Variants in DENND5B observed in about 807,000 individuals in gnomAD.
The protein encoded by DENND5B is DENN domain containing 5B, also known as DENN domain-containing protein 5B.
DENND5B carries 34 observed loss-of-function variants against 140.6 expected under a neutral mutation model. The ratio of observed to expected loss-of-function variants is 0.24; its 90% CI spans 0.18 to 0.32. The LOEUF (loss-of-function observed/expected upper bound fraction) is 0.32. Ranked by LOEUF, DENND5B falls within the 10% of genes least tolerant of loss-of-function variation. The probability of loss-of-function intolerance (pLI) is 1.00; values close to 1 mark genes in which losing one functional copy is unlikely to be tolerated. For missense variants in DENND5B, 1,142 were observed against 1,560.2 expected (o/e 0.73, Z 4.52); for synonymous variants, 551 against 562.1 (o/e 0.98, Z 0.28).
chr12:31,394,016 AG>A (rs1941298130), intron 17 of DENND5B, among the ~76,000 whole-genome samples: 1 of 152,142 alleles, frequency 6.6e-6, no homozygotes, highest in Non-Finnish European at 1.5e-5. Context: ...AAATTCAAGT[AG>A]GTTTTTTCTA....
chr12:31,490,018 C>A (rs575534509), intron 2 of DENND5B, among the ~76,000 whole-genome samples: 2 of 152,074 alleles, frequency 1.3e-5, no homozygotes, highest in South Asian at 4.2e-4. Flanking sequence ...GGTGAGTATA[C>A]GGAACAGAGA....
At chr12:31,387,873 G>A (rs1593027825) in intron 20 of DENND5B, 87 bp from the exon 21 acceptor site, 1 of 1,367,664 alleles carries the variant, frequency 7.3e-7, no homozygotes. Context: ...GAATGGGAAG[G>A]TGTGGGACTT....
intron 12 of DENND5B, among the ~76,000 whole-genome samples, chr12:31,413,941 C>T (rs1942595490): frequency 6.6e-6 from 1 of 152,160 alleles, no homozygotes; most frequent in Non-Finnish European, 1.5e-5. Context: ...TTCAAAATAA[C>T]TGTTCTATAG....
chr12:31,410,147 A>G (rs984530724), intron 13 of DENND5B, among the ~76,000 whole-genome samples: 3 of 152,202 alleles, frequency 2.0e-5, no homozygotes, highest in Admixed American at 1.3e-4. Context: ...ACAAGGAAGA[A>G]ATGAATGCCA....
At chr12:31,457,291 A>G (rs1158765561) in intron 4 of DENND5B, among the ~76,000 whole-genome samples, 2 of 152,170 alleles carry the variant, frequency 1.3e-5, no homozygotes, top group African/African-American at 4.8e-5. Flanking sequence ...TCCCTAAAAA[A>G]CAGTATTACA....
chr12:31,548,411 A>AAG (rs1948934121), intron 1 of DENND5B, among the ~76,000 whole-genome samples: 1 of 113,854 alleles, frequency 8.8e-6, no homozygotes, highest in South Asian at 3.0e-4. Flanking sequence ...AGAAGAAGAA[A>AAG]AAAAAAAGAA....
rs1276879541 is a variant in DENND5B at position 31,384,729 on chromosome 12, T to C, written c.*2874A>G. The C allele has an allele frequency of 6.6e-6, 1 of 152,132 alleles. No individual in the cohort carries two copies. Among genetic ancestry groups the C allele is most frequent in the Non-Finnish European group, 1.5e-5 (1 of 68,018 alleles). The allele number at this position is 152,132 out of a possible 1,614,324, so 9.4% of individuals were successfully genotyped here. On this transcript the variant is annotated 3_prime_UTR_variant, in exon 21 of 21. Transcript: ENST00000389082. The stretch of plus-strand genomic sequence containing the variant: ...GTATTACTTTTTAAAGTAATGGTTT[T>C]ATTCATAGGCCGCAAATCCAACTTT...
At chr12:31,544,725 A>C (rs1251614918) in intron 1 of DENND5B, among the ~76,000 whole-genome samples, 1 of 152,234 alleles carries the variant, frequency 6.6e-6, no homozygotes, top group Non-Finnish European at 1.5e-5. Context: ...GAAAGGCAAG[A>C]ATAAACTAAT....
At chr12:31,463,104 A>T (rs986163682) in intron 3 of DENND5B, among the ~76,000 whole-genome samples, 5 of 151,948 alleles carry the variant, frequency 3.3e-5, no homozygotes, top group African/African-American at 4.8e-5. Context: ...CTCTAGTAAA[A>T]ATATAAAAAT....
At chr12:31,455,645 C>G (rs947856350) in intron 4 of DENND5B, among the ~76,000 whole-genome samples, 5 of 152,196 alleles carry the variant, frequency 3.3e-5, no homozygotes, top group African/African-American at 1.2e-4. Context: ...ACACCTCAAT[C>G]TGACATTGCT....
At chr12:31,472,770 A>G (rs1350327536) in intron 3 of DENND5B, among the ~76,000 whole-genome samples, 1 of 152,086 alleles carries the variant, frequency 6.6e-6, no homozygotes, top group Non-Finnish European at 1.5e-5. Flanking sequence ...TTGCTTGGGG[A>G]TATATAGTAA....
chr12:31,518,366 T>C (rs1947751730), intron 1 of DENND5B, among the ~76,000 whole-genome samples: 1 of 152,154 alleles, frequency 6.6e-6, no homozygotes, highest in South Asian at 2.1e-4. Flanking sequence ...TTGCCTAAGG[T>C]GAGAATTAAA....
intron 1 of DENND5B, among the ~76,000 whole-genome samples, chr12:31,533,260 AC>A (rs1385562816): frequency 3.5e-4 from 54 of 152,306 alleles, no homozygotes; most frequent in African/African-American, 1.3e-3. Context: ...AGAAAAAAAA[AC>A]AATTTAAAAA....
chr12:31,503,972 T>C (rs756664791), intron 1 of DENND5B, among the ~76,000 whole-genome samples: 1 of 152,096 alleles, frequency 6.6e-6, no homozygotes, highest in Non-Finnish European at 1.5e-5. Context: ...TTTAACCAGT[T>C]ATATAGAGAA....
chr12:31,560,465 A>G (rs555381540), intron 1 of DENND5B, among the ~76,000 whole-genome samples: 1 of 152,316 alleles, frequency 6.6e-6, no homozygotes, highest in South Asian at 2.1e-4. Flanking sequence ...GGCCTGAGCC[A>G]CCACCATCAT....
At chr12:31,555,992 C>T (rs770761675) in intron 1 of DENND5B, among the ~76,000 whole-genome samples, 6 of 152,208 alleles carry the variant, frequency 3.9e-5, no homozygotes, top group Non-Finnish European at 7.3e-5. Flanking sequence ...ATTCCCTGAC[C>T]CCTTGCGCTT....
chr12:31,414,725 C>T (rs1360190180), intron 12 of DENND5B, among the ~76,000 whole-genome samples: 2 of 151,866 alleles, frequency 1.3e-5, no homozygotes, highest in Admixed American at 6.6e-5. Context: ...GAGGTCAGAT[C>T]GAGACCATCC....
At chr12:31,493,322 G>A (rs1328998656) in intron 2 of DENND5B, among the ~76,000 whole-genome samples, 1 of 152,182 alleles carries the variant, frequency 6.6e-6, no homozygotes, top group South Asian at 2.1e-4. Flanking sequence ...AAGTACTCTA[G>A]CAGGCATCTA....
chr12:31,446,241 C>T (rs1302589056), intron 6 of DENND5B, among the ~76,000 whole-genome samples: 4 of 151,934 alleles, frequency 2.6e-5, no homozygotes, highest in African/African-American at 4.8e-5. Flanking sequence ...CTCCGCCTCC[C>T]GGGTTCAAGT....
Sources: allele counts gnomAD v4.1 joint callset (sites outside exome capture counted in the v4.1 genomes callset), GRCh38; gene constraint gnomAD v4.1.1; transcripts MANE v1.5; gene names NCBI Gene and HGNC (gene_info 2026-07-23, HGNC 2026-07-21).